Variants in DPYD observed in about 807,000 individuals in gnomAD.
DPYD encodes dihydropyrimidine dehydrogenase [NADP(+)].
Under a neutral mutation model 116.2 loss-of-function variants are expected in DPYD, and 109 were observed. The ratio of observed to expected loss-of-function variants is 0.94; its 90% CI spans 0.80 to 1.10. The LOEUF (loss-of-function observed/expected upper bound fraction) is 1.10, where lower values mean the gene tolerates loss of function less well. Among genes scored for constraint, DPYD ranks in the 50% least tolerant of loss-of-function variants. The pLI, the probability that DPYD is intolerant of heterozygous loss-of-function variation, is 0.00. For missense variants in DPYD, 1,302 were observed against 1,254.5 expected (o/e 1.04, Z -0.57); for synonymous variants, 440 against 432.0 (o/e 1.02, Z -0.23).
At chr1:97,302,276 C>G (rs549727450) in intron 18 of DPYD, among the ~76,000 whole-genome samples, 145 of 152,034 alleles carry the variant, frequency 9.5e-4, no homozygotes, top group African/African-American at 3.2e-3. Flanking sequence ...AATCAGCCAT[C>G]CTTGTTTGAT....
intron 4 of DPYD, among the ~76,000 whole-genome samples, chr1:97,723,265 T>C (rs1195901098): frequency 1.3e-5 from 2 of 151,566 alleles, no homozygotes; most frequent in Non-Finnish European, 3.0e-5. Flanking sequence ...AGTAAGAATG[T>C]GGTATGAAAT....
chr1:97,719,924 G>T, intron 5 of DPYD: 1 of 984,786 alleles, frequency 1.0e-6, no homozygotes, highest in Non-Finnish European at 1.2e-6. Flanking sequence ...TCTTCATTAG[G>T]TGATACTTAT....
At chr1:97,163,818 T>C (rs1656107724) in intron 20 of DPYD, among the ~76,000 whole-genome samples, 1 of 152,334 alleles carries the variant, frequency 6.6e-6, no homozygotes, top group Admixed American at 6.5e-5. Context: ...GATTAAGTTT[T>C]GACATCAGTT....
chr1:97,147,960 T>C (rs1050281284), intron 20 of DPYD, among the ~76,000 whole-genome samples: 1 of 152,146 alleles, frequency 6.6e-6, no homozygotes. Flanking sequence ...GATAGATACA[T>C]GACTACTTTA....
At chr1:97,372,860 A>G (rs72728421) in intron 16 of DPYD, among the ~76,000 whole-genome samples, 17,984 of 152,200 alleles carry the variant, frequency 0.12, 1,150 homozygotes, top group East Asian at 0.19. Context: ...ACATTATTTA[A>G]TTCACACCAT....
intron 20 of DPYD, among the ~76,000 whole-genome samples, chr1:97,179,721 A>G (rs6593637): frequency 0.71 from 108,392 of 151,966 alleles, 39,966 homozygotes; most frequent in East Asian, 0.99. Flanking sequence ...TTCTGTGCGC[A>G]TTGTAGTCAC....
At chr1:97,080,582 C>G (rs1248204025) in intron 22 of DPYD, among the ~76,000 whole-genome samples, 1 of 152,088 alleles carries the variant, frequency 6.6e-6, no homozygotes, top group African/African-American at 2.4e-5. Context: ...TCTGTCCACA[C>G]AAATTGGTGC....
At chr1:97,530,047 G>T (rs1038263263) in intron 12 of DPYD, among the ~76,000 whole-genome samples, 25 of 151,210 alleles carry the variant, frequency 1.7e-4, no homozygotes, top group Admixed American at 5.3e-4. Context: ...GACTACCTTA[G>T]ATGCCTCATA....
chr1:97,663,543 C>T (rs1178592846), intron 8 of DPYD, among the ~76,000 whole-genome samples: 1 of 152,136 alleles, frequency 6.6e-6, no homozygotes, highest in Non-Finnish European at 1.5e-5. Flanking sequence ...ATTCCAATAG[C>T]CACAATGTAA....
chr1:97,864,356 A>C (rs1671266942), intron 2 of DPYD, among the ~76,000 whole-genome samples: 1 of 151,944 alleles, frequency 6.6e-6, no homozygotes, highest in Admixed American at 6.6e-5. Flanking sequence ...ATGAAATCTT[A>C]GTTGAAGCCT....
rs1344975302 is a variant in DPYD, at chr1:97,721,629, G to T, written c.364C>A (p.Leu122Ile). 2 of 1,611,626 alleles carry T rather than the reference G, an allele frequency of 1.2e-6. No individual in the cohort carries two copies. Among genetic ancestry groups the T allele is most frequent in the Non-Finnish European group, 1.7e-6 (2 of 1,178,306 alleles). Residue 122 changes from leucine (L) to isoleucine (I), a missense_variant, in exon 5 of 23, where the codon CTT becomes ATT. Transcript: ENST00000370192. ...AAKMIFSDNPLGLTCGMVCPT... is the reference protein window; with the variant it reads ...AAKMIFSDNPIGLTCGMVCPT... ...CATACCATTCCACAAGTCAGACCAAGTGGGTTGTCAGAAAATATCATCTTA... is the reference window on the plus strand; with the variant it reads ...CATACCATTCCACAAGTCAGACCAATTGGGTTGTCAGAAAATATCATCTTA...
chr1:97,264,886 C>A (rs1448111486), intron 18 of DPYD, among the ~76,000 whole-genome samples: 1 of 152,086 alleles, frequency 6.6e-6, no homozygotes, highest in Non-Finnish European at 1.5e-5. Flanking sequence ...GACTTCGAGA[C>A]CTGAAAGTGT....
intron 19 of DPYD, among the ~76,000 whole-genome samples, chr1:97,197,266 T>C (rs1458564892): frequency 2.6e-5 from 4 of 152,126 alleles, no homozygotes; most frequent in Non-Finnish European, 4.4e-5. Flanking sequence ...TCATTATCAT[T>C]TCCTCCACAG....
chr1:97,899,660 A>T (rs1673263795), intron 1 of DPYD, among the ~76,000 whole-genome samples: 1 of 151,844 alleles, frequency 6.6e-6, no homozygotes, highest in African/African-American at 2.4e-5. Context: ...CACATGGCTT[A>T]ATTTTATAGA....
intron 7 of DPYD, chr1:97,691,267 T>C (rs1188081656): frequency 6.5e-6 from 1 of 154,524 alleles, no homozygotes. Flanking sequence ...GATTTACTGC[T>C]TGTGTTGAGA....
chr1:97,677,588 C>T (rs996011407), intron 8 of DPYD, among the ~76,000 whole-genome samples: 2 of 152,070 alleles, frequency 1.3e-5, no homozygotes, highest in African/African-American at 4.8e-5. Flanking sequence ...GGGAAAATAT[C>T]AGATCTTGCC....
chr1:97,095,651 TAC>T (rs1197917849), intron 21 of DPYD, among the ~76,000 whole-genome samples: 17 of 151,704 alleles, frequency 1.1e-4, no homozygotes, highest in African/African-American at 3.1e-4. Context: ...TATACATATA[TAC>T]ACACACACAG....
intron 20 of DPYD, among the ~76,000 whole-genome samples, chr1:97,106,301 G>C (rs1163588397): frequency 3.9e-5 from 6 of 152,162 alleles, no homozygotes; most frequent in African/African-American, 1.4e-4. Context: ...TGGGTTAAGA[G>C]ATGATGCCCA....
chr1:97,363,096 A>G (rs1670832505), intron 16 of DPYD, among the ~76,000 whole-genome samples: 1 of 152,220 alleles, frequency 6.6e-6, no homozygotes, highest in Non-Finnish European at 1.5e-5. Context: ...GAACTTAAAC[A>G]AATTTACAAG....
Sources: allele counts gnomAD v4.1 joint callset (sites outside exome capture counted in the v4.1 genomes callset), GRCh38; gene constraint gnomAD v4.1.1; transcripts MANE v1.5; gene names NCBI Gene and HGNC (gene_info 2026-07-23, HGNC 2026-07-21).